Variants in WIPF1 observed in about 807,000 individuals in gnomAD.
WIPF1 encodes WAS/WASL interacting protein family member 1, also known as WAS/WASL-interacting protein family member 1.
A neutral mutation model predicts 35.4 loss-of-function variants in WIPF1; 13 were observed. That is an observed-to-expected ratio of 0.37 (90% CI 0.24 to 0.58). The LOEUF (loss-of-function observed/expected upper bound fraction) is 0.58. WIPF1 is among the 20% of genes least tolerant of loss of function. The probability of loss-of-function intolerance (pLI) is 0.74; values close to 1 mark genes in which losing one functional copy is unlikely to be tolerated. For missense variants in WIPF1, 591 were observed against 667.0 expected (o/e 0.89, Z 1.25); for synonymous variants, 267 against 266.3 (o/e 1.00, Z -0.02).
At chr2:174,565,977 G>A (rs1020846835) in intron 7 of WIPF1, among the ~76,000 whole-genome samples, 4 of 151,956 alleles carry the variant, frequency 2.6e-5, no homozygotes, top group African/African-American at 9.7e-5. Context: ...TCTGCATCCC[G>A]GGTTCTAGTG....
At position 174,560,614 on chromosome 2, in the gene WIPF1, T is replaced by C. The variant is rs1294804372; in HGVS notation, c.*1933A>G. On this transcript the variant is annotated 3_prime_UTR_variant, in exon 8 of 8. Transcript: ENST00000679041. ...AAAGCCAACACTTTGCCAAGCTTGT[T>C]ATACCTTATTATTTCTTGATTCTCT... The C allele has an allele frequency of 6.6e-6, 1 of 152,640 alleles. No homozygotes were observed. The highest frequency in any genetic ancestry group is 1.5e-5 in the Non-Finnish European group (1 of 68,024). The allele number at this position is 152,640 out of a possible 1,614,324, so 9.5% of individuals were successfully genotyped here. A position where few individuals can be genotyped will look rare whatever the true frequency, so the allele number is the denominator to read the frequency against.
rs1258022200 is a variant in WIPF1, at chr2:174,560,037, TAA to T, written c.*2508_*2509del. The T allele has an allele frequency of 2.0e-5, 3 of 152,700 alleles. No homozygotes were observed. The highest frequency in any genetic ancestry group is 3.9e-4 in the East Asian group (2 of 5,190). 9.5% of individuals were successfully genotyped at this position (152,700 alleles called of 1,614,324 possible). ...TACTGTAATACATTTCAATATAAAA[TAA>T]GAGGTGAATGTTAAAATACTGTATT... On this transcript the variant is annotated 3_prime_UTR_variant, in exon 8 of 8. Transcript: ENST00000679041.
intron 1 of WIPF1, among the ~76,000 whole-genome samples, chr2:174,591,088 A>C (rs1260084396): frequency 6.6e-6 from 1 of 152,220 alleles, no homozygotes. Context: ...TGGTGTCCTC[A>C]TACAAAGAGG....
chr2:174,646,221 G>C (rs1213991138), intron 1 of WIPF1, among the ~76,000 whole-genome samples: 2 of 152,278 alleles, frequency 1.3e-5, no homozygotes, highest in East Asian at 3.9e-4. Context: ...GGGACCAAGA[G>C]AACACCTAAT....
chr2:174,644,669 G>T lies in WIPF1; in HGVS notation c.-39+38105C>A, dbSNP rs182621653. ...ACTACCTCATTTCCAGTCACTAAAA[G>T]CCATCATAACTGAGGAATCTGTTCT... On this transcript the variant is annotated intron_variant, in intron 1 of 8. Transcript: ENST00000272746. Among the ~76,000 whole-genome samples the T allele has an allele frequency of 3.3e-5, 5 of 152,262 alleles. No individual in the cohort carries two copies. The East Asian group carries it at 7.7e-4, about 24-fold the overall frequency.
chr2:174,571,728 G>C lies in WIPF1; in HGVS notation c.1077C>G (p.Pro359=). 1 of 1,614,182 alleles carries C rather than the reference G, an allele frequency of 6.2e-7. No individual in the cohort carries two copies. Among genetic ancestry groups the C allele is most frequent in the Non-Finnish European group, 8.5e-7 (1 of 1,180,028 alleles). ...GAGGTGGGGGTCTCTCACTGGGCGG[G>C]GGAGGAAGAGGACCTGAACGTCCTG... is the stretch of plus-strand genomic sequence containing the variant. ...PSPGRSGPLP[P]PPSERPPPPV... is the part of the protein sequence containing the mutation. Residue 359 remains proline, a synonymous_variant, in exon 5 of 8, where the codon CCC becomes CCG. Coordinates refer to ENST00000679041, the MANE Select transcript of WIPF1 (RefSeq NM_001375834.1). The surrounding 1 kb of genome is among the most constrained non-coding windows in gnomAD (Gnocchi z 4.6).
intron 1 of WIPF1, among the ~76,000 whole-genome samples, chr2:174,594,530 T>C (rs1334903949): frequency 6.6e-6 from 1 of 152,088 alleles, no homozygotes; most frequent in Admixed American, 6.6e-5. Context: ...AAAGGAAACA[T>C]TTTTATTTTA....
intron 1 of WIPF1, among the ~76,000 whole-genome samples, chr2:174,654,103 G>A (rs1574862367): frequency 6.6e-6 from 1 of 152,202 alleles, no homozygotes. Flanking sequence ...ACATATGACA[G>A]AGGCAGTTTT....
At chr2:174,674,936 AC>A (rs1688096948) in intron 1 of WIPF1, among the ~76,000 whole-genome samples, 1 of 150,824 alleles carries the variant, frequency 6.6e-6, no homozygotes. Flanking sequence ...ACACACACAC[AC>A]ACACACACAC....
chr2:174,640,146 T>C (rs1397020118), intron 1 of WIPF1, among the ~76,000 whole-genome samples: 1 of 152,042 alleles, frequency 6.6e-6, no homozygotes, highest in African/African-American at 2.4e-5. Context: ...AATAGTGAAC[T>C]ATCTATAAAA....
chr2:174,654,611 C>CT (rs984328103), intron 1 of WIPF1, among the ~76,000 whole-genome samples: 19 of 147,198 alleles, frequency 1.3e-4, no homozygotes, highest in East Asian at 2.0e-4. Context: ...TACTTTATTC[C>CT]TTTTTTTTTT....
chr2:174,613,302 A>C (rs1259948589), intron 1 of WIPF1, among the ~76,000 whole-genome samples: 1 of 152,244 alleles, frequency 6.6e-6, no homozygotes, highest in African/African-American at 2.4e-5. Context: ...CATTTTCATT[A>C]GCCATTATGC....
At chr2:174,669,251 T>C (rs1387731032) in intron 1 of WIPF1, among the ~76,000 whole-genome samples, 2 of 152,202 alleles carry the variant, frequency 1.3e-5, no homozygotes, top group African/African-American at 4.8e-5. Context: ...ACCCCTTATG[T>C]TCCCATGCAT....
upstream of WIPF1, among the ~76,000 whole-genome samples, chr2:174,600,427 G>C (rs1020256106): frequency 6.6e-6 from 1 of 152,118 alleles, no homozygotes; most frequent in African/African-American, 2.4e-5. Context: ...AGGGACCCAC[G>C]AGATCTGGCC....
chr2:174,574,695 C>T, intron 4 of WIPF1: 1 of 602,796 alleles, frequency 1.7e-6, no homozygotes, highest in Admixed American at 2.9e-5. Flanking sequence ...GCAGAGACTC[C>T]TGAGAACCAC....
At chr2:174,632,863 A>G (rs1342710801) in intron 1 of WIPF1, among the ~76,000 whole-genome samples, 1 of 152,160 alleles carries the variant, frequency 6.6e-6, no homozygotes, top group Non-Finnish European at 1.5e-5. Context: ...CAACTAACAA[A>G]GCAAAACAAA....
At chr2:174,665,128 C>T (rs894670133) in intron 1 of WIPF1, 3 of 152,062 alleles carry the variant, frequency 2.0e-5, no homozygotes, top group African/African-American at 7.2e-5. Flanking sequence ...AGAGGCAGAC[C>T]GAGGGTATAA....
intron 3 of WIPF1, among the ~76,000 whole-genome samples, chr2:174,576,627 T>C (rs1008218257): frequency 6.6e-6 from 1 of 152,182 alleles, no homozygotes; most frequent in Non-Finnish European, 1.5e-5. Flanking sequence ...GTGAAAGATT[T>C]TGATGGGAGG....
chr2:174,669,771 G>A (rs1042260466), intron 1 of WIPF1, among the ~76,000 whole-genome samples: 2 of 152,212 alleles, frequency 1.3e-5, no homozygotes, highest in African/African-American at 4.8e-5. Flanking sequence ...AGCTACTCAG[G>A]AAGCTGAGGC....
Sources: allele counts gnomAD v4.1 joint callset (sites outside exome capture counted in the v4.1 genomes callset), GRCh38; gene constraint gnomAD v4.1.1; non-coding constraint Gnocchi (gnomAD v3.1); transcripts MANE v1.5; gene names NCBI Gene and HGNC (gene_info 2026-07-23, HGNC 2026-07-21).